Variants in KL observed in about 807,000 individuals in gnomAD.
KL encodes the protein alpha-klotho.
In KL, 62 loss-of-function variants were observed where a neutral mutation model predicts 84.2. The observed-to-expected ratio is 0.74, with a 90% confidence interval of 0.60 to 0.91. KL has a LOEUF of 0.91. KL is among the 40% of genes least tolerant of loss of function. The pLI is 0.00. For synonymous variants in KL, 528 were observed against 528.0 expected (o/e 1.00, Z 0.00); for missense variants, 1,261 against 1,305.7 (o/e 0.97, Z 0.53).
At chr13:33,045,332 T>G (rs953429528) in intron 1 of KL, among the ~76,000 whole-genome samples, 1 of 152,220 alleles carries the variant, frequency 6.6e-6, no homozygotes, top group Non-Finnish European at 1.5e-5. Flanking sequence ...TTGGATAGTT[T>G]TTTCCTTCCT....
intron 1 of KL, among the ~76,000 whole-genome samples, chr13:33,028,540 T>A (rs759784372): frequency 1.3e-5 from 2 of 152,020 alleles, no homozygotes; most frequent in Non-Finnish European, 2.9e-5. Flanking sequence ...ACCCATGATG[T>A]CAGATGTGCA....
chr13:33,026,097 C>T (rs1566499051), intron 1 of KL, among the ~76,000 whole-genome samples: 1 of 152,170 alleles, frequency 6.6e-6, no homozygotes, highest in African/African-American at 2.4e-5. Context: ...TATGTCTCTT[C>T]TGTATGAATA....
chr13:33,025,945 T>A (rs495764), intron 1 of KL, among the ~76,000 whole-genome samples: 112,264 of 152,152 alleles, frequency 0.74, 43,418 homozygotes, highest in Middle Eastern at 0.85. Context: ...AGTTTACCGC[T>A]GATGGTGGTT....
At chr13:33,017,300 CAG>C in intron 1 of KL, 41 bp downstream of exon 1, 3 of 1,504,768 alleles carry the variant, frequency 2.0e-6, no homozygotes, top group Non-Finnish European at 1.8e-6. Flanking sequence ...GCAGGGGAGA[CAG>C]AGGGCCTCCA....
chr13:33,026,100 TATGA>T (rs1241403227), intron 1 of KL, among the ~76,000 whole-genome samples: 2 of 152,168 alleles, frequency 1.3e-5, no homozygotes. Flanking sequence ...GTCTCTTCTG[TATGA>T]ATAAGTATGT....
chr13:33,050,489 T>C (rs1871703023), intron 1 of KL, among the ~76,000 whole-genome samples: 1 of 152,202 alleles, frequency 6.6e-6, no homozygotes, highest in South Asian at 2.1e-4. Context: ...AATGAGGGCC[T>C]CCGTGTGCCA....
intron 3 of KL, among the ~76,000 whole-genome samples, chr13:33,057,556 G>T (rs1872010253): frequency 6.6e-6 from 1 of 152,210 alleles, no homozygotes. Context: ...CTCTCTCTCA[G>T]ATCACACGGT....
At chr13:33,037,589 G>T (rs1432708044) in intron 1 of KL, among the ~76,000 whole-genome samples, 1 of 152,080 alleles carries the variant, frequency 6.6e-6, no homozygotes, top group East Asian at 1.9e-4. Context: ...TACTCTAGGT[G>T]TCCATTCAGC....
chr13:33,040,133 G>A (rs776989302), intron 1 of KL, among the ~76,000 whole-genome samples: 1 of 152,168 alleles, frequency 6.6e-6, no homozygotes, highest in Non-Finnish European at 1.5e-5. Context: ...GTTGTAGATA[G>A]TTATTTTTGG....
intron 1 of KL, among the ~76,000 whole-genome samples, chr13:33,045,885 C>T (rs519268): frequency 0.32 from 48,883 of 151,960 alleles, 9,137 homozygotes; most frequent in Admixed American, 0.45. Context: ...GCTTTTCCTG[C>T]GTTAATTGAG....
At chr13:33,035,288 C>G (rs1390337886) in intron 1 of KL, among the ~76,000 whole-genome samples, 1 of 152,158 alleles carries the variant, frequency 6.6e-6, no homozygotes, top group Non-Finnish European at 1.5e-5. Context: ...ATAAATGAGC[C>G]TGTTAAAGAA....
At chr13:33,052,186 G>A (rs368070818) in intron 1 of KL, among the ~76,000 whole-genome samples, 1 of 152,142 alleles carries the variant, frequency 6.6e-6, no homozygotes, top group East Asian at 1.9e-4. Flanking sequence ...TGAACTCCTG[G>A]TATCAAGGGA....
chr13:33,018,818 T>G (rs1261532805), intron 1 of KL, among the ~76,000 whole-genome samples: 1 of 152,238 alleles, frequency 6.6e-6, no homozygotes, highest in Non-Finnish European at 1.5e-5. Flanking sequence ...CTACAAGTTC[T>G]ATTTTTAGAG....
At chr13:33,059,115 T>G (rs1388364641) in intron 3 of KL, among the ~76,000 whole-genome samples, 1 of 152,218 alleles carries the variant, frequency 6.6e-6, no homozygotes, top group East Asian at 1.9e-4. Flanking sequence ...TGACCCCTGC[T>G]TTTATACAGA....
intron 1 of KL, among the ~76,000 whole-genome samples, chr13:33,030,845 T>C (rs1465378670): frequency 6.6e-6 from 1 of 152,086 alleles, no homozygotes; most frequent in African/African-American, 2.4e-5. Flanking sequence ...AGTAACACAA[T>C]AGTTGAAACA....
chr13:33,021,456 G>A (rs1223262850), intron 1 of KL, among the ~76,000 whole-genome samples: 2 of 152,196 alleles, frequency 1.3e-5, no homozygotes, highest in African/African-American at 4.8e-5. Context: ...GTATATATTG[G>A]AAGGGGCTTT....
chr13:33,057,279 A>T (rs1871998597), intron 3 of KL, among the ~76,000 whole-genome samples: 1 of 152,108 alleles, frequency 6.6e-6, no homozygotes, highest in Non-Finnish European at 1.5e-5. Flanking sequence ...ATGCAGAACA[A>T]GAGTGGGGGT....
chr13:33,033,470 C>T (rs897157480), intron 1 of KL, among the ~76,000 whole-genome samples: 5 of 152,178 alleles, frequency 3.3e-5, no homozygotes, highest in Admixed American at 2.6e-4. Context: ...GACTCCTGCC[C>T]CGCTGCCCCA....
chr13:33,029,880 A>C (rs1218176832), intron 1 of KL, among the ~76,000 whole-genome samples: 2 of 149,720 alleles, frequency 1.3e-5, no homozygotes, highest in Non-Finnish European at 3.0e-5. Flanking sequence ...TGATCCACTC[A>C]CCTCGGCCTC....
Sources: gnomAD v4.1 joint callset for allele counts (sites outside exome capture counted in the v4.1 genomes callset) on GRCh38, gnomAD v4.1.1 for gene constraint, MANE v1.5 for transcripts, NCBI Gene and HGNC (gene_info 2026-07-23, HGNC 2026-07-21) for gene names.